Variants in BCL7A observed in about 807,000 individuals in gnomAD.
BCL7A encodes the protein B-cell CLL/lymphoma 7 protein family member A.
A neutral mutation model predicts 28.4 loss-of-function variants in BCL7A; 11 were observed. That is an observed-to-expected ratio of 0.39 (90% confidence interval 0.24 to 0.64). The LOEUF is 0.64. Among genes scored for constraint, BCL7A ranks in the 30% least tolerant of loss-of-function variants. The pLI, the probability that BCL7A is intolerant of heterozygous loss-of-function variation, is 0.50. For missense variants in BCL7A, 222 were observed against 274.8 expected, an observed-to-expected ratio of 0.81 and a Z score of 1.36; for synonymous variants, 123 against 103.3, an observed-to-expected ratio of 1.19 and a Z score of -1.15.
chr12:122,028,806 C>T (rs1245651721), intron 1 of BCL7A, among the ~76,000 whole-genome samples: 3 of 152,126 alleles, frequency 2.0e-5, no homozygotes, highest in African/African-American at 7.2e-5. Context: ...TGGCGTGGAG[C>T]CTGGCATGTA....
At chr12:122,033,299 T>A (rs1463702300) in intron 2 of BCL7A, among the ~76,000 whole-genome samples, 1 of 151,958 alleles carries the variant, frequency 6.6e-6, no homozygotes, top group African/African-American at 2.4e-5. Context: ...CTGGCTAATT[T>A]ATTTATTATT....
At position 122,022,085 on chromosome 12, in the gene BCL7A, C is replaced by T. The variant is rs559549886; in HGVS notation, c.-7C>T. The T allele has an allele frequency of 2.6e-6, 4 of 1,560,116 alleles. No homozygotes were observed. In the East Asian group the frequency reaches 7.2e-5, roughly 28 times the overall value. On this transcript the variant is annotated 5_prime_UTR_variant, in exon 1 of 6. Transcript: ENST00000261822. Reference sequence around the variant, plus strand: ...CGCTCCCCAGCCTCCGTCTCCCCGCCGGAACCATGTCGGGCAGGTCGGTTC... The same window carrying T: ...CGCTCCCCAGCCTCCGTCTCCCCGCTGGAACCATGTCGGGCAGGTCGGTTC...
Position 122,058,276 on chromosome 12 carries a change from G to A in BCL7A, c.562-816G>A, listed in dbSNP as rs962734080. On this transcript the variant is annotated intron_variant, in intron 5 of 5. Transcript: ENST00000261822. ...TCCTAGCACTCTGGGAAGGTGAGGC[G>A]GGCAGATCACCTGAGGTCAGGAGTT... Among the ~76,000 whole-genome samples the A allele has an allele frequency of 4.7e-4, 71 of 152,100 alleles. 1 individual carries two copies. The highest frequency in any genetic ancestry group is 1.6e-3 in the African/African-American group (66 of 41,494).
intron 4 of BCL7A, among the ~76,000 whole-genome samples, chr12:122,048,776 T>A (rs919552855): frequency 6.6e-6 from 1 of 151,634 alleles, no homozygotes; most frequent in Non-Finnish European, 1.5e-5. Context: ...TCCCAGCACT[T>A]TGGGAGGCTG....
chr12:122,051,226 C>T (rs1368808110), intron 4 of BCL7A, among the ~76,000 whole-genome samples: 3 of 152,274 alleles, frequency 2.0e-5, no homozygotes, highest in African/African-American at 7.2e-5. Flanking sequence ...ACCCCAGGCC[C>T]CTGGGCCTGC....
At chr12:122,024,538 C>G (rs1205440562) in intron 1 of BCL7A, among the ~76,000 whole-genome samples, 1 of 150,722 alleles carries the variant, frequency 6.6e-6, no homozygotes, top group Non-Finnish European at 1.5e-5. Flanking sequence ...CCTGAGAAGC[C>G]ATATCTCACC....
chr12:122,045,392 A>T (rs756734409), intron 4 of BCL7A, among the ~76,000 whole-genome samples: 15 of 152,062 alleles, frequency 9.9e-5, no homozygotes, highest in Admixed American at 3.3e-4. Context: ...GAAAAATTTT[A>T]AAAAGTTAAT....
chr12:122,060,049 C>T lies in BCL7A; in HGVS notation c.*886C>T. ...TCCCAGACCTCCGAATACGAAATGG[C>T]TTCTCTGGCTGACTGCAAGGCTGTC... On this transcript the variant is annotated 3_prime_UTR_variant, in exon 6 of 6. Transcript: ENST00000261822. The T allele has an allele frequency of 4.3e-6, 1 of 233,460 alleles. No individual in the cohort carries two copies. The highest frequency in any genetic ancestry group is 2.2e-5 in the African/African-American group (1 of 45,436). The allele number at this position is 233,460 out of a possible 1,614,324, so 14.5% of individuals were successfully genotyped here. A position where few individuals can be genotyped will look rare whatever the true frequency, so the allele number is the denominator to read the frequency against.
At chr12:122,022,837 G>A (rs1245472240) in intron 1 of BCL7A, among the ~76,000 whole-genome samples, 1 of 151,938 alleles carries the variant, frequency 6.6e-6, no homozygotes, top group Admixed American at 6.5e-5. Flanking sequence ...ATGGGGGCGA[G>A]CGCTGGGAGC....
intron 2 of BCL7A, 121 bp from the exon 3 acceptor site, chr12:122,035,210 C>A: frequency 2.3e-6 from 2 of 862,622 alleles, no homozygotes; most frequent in South Asian, 1.6e-5. Flanking sequence ...CCTCCAGAGG[C>A]CTGGGGGCTC....
intron 1 of BCL7A, among the ~76,000 whole-genome samples, chr12:122,024,532 A>G (rs2135836402): frequency 6.8e-6 from 1 of 147,830 alleles, no homozygotes; most frequent in South Asian, 2.1e-4. Flanking sequence ...CTGGCCCCTG[A>G]GAAGCCATAT....
intron 1 of BCL7A, 146 bp from the exon 2 acceptor site, chr12:122,030,554 C>T (rs1289351769): frequency 5.5e-6 from 4 of 731,786 alleles, no homozygotes; most frequent in African/African-American, 3.5e-5. Context: ...GTGGCCTGCC[C>T]AGGGCCTCCC....
intron 1 of BCL7A, among the ~76,000 whole-genome samples, chr12:122,026,082 A>G (rs1428835506): frequency 6.6e-6 from 1 of 151,864 alleles, no homozygotes; most frequent in African/African-American, 2.4e-5. Flanking sequence ...ATCCTGGCTA[A>G]CAGTGAAACC....
At chr12:122,032,917 G>A (rs527469680) in intron 2 of BCL7A, among the ~76,000 whole-genome samples, 31 of 152,228 alleles carry the variant, frequency 2.0e-4, no homozygotes, top group Admixed American at 1.4e-3. Flanking sequence ...GCAGATTCCT[G>A]GGCCCATCAC....
At chr12:122,031,117 C>T (rs781042774) in intron 2 of BCL7A, among the ~76,000 whole-genome samples, 2 of 152,266 alleles carry the variant, frequency 1.3e-5, no homozygotes, top group Admixed American at 6.5e-5. Flanking sequence ...TCCTCTGCCT[C>T]GTGAGTTCAA....
At chr12:122,042,116 C>T (rs1565939131) in intron 3 of BCL7A, among the ~76,000 whole-genome samples, 1 of 152,008 alleles carries the variant, frequency 6.6e-6, no homozygotes, top group Non-Finnish European at 1.5e-5. Flanking sequence ...GGGTGCAGGA[C>T]AAGGGGAGGT....
At chr12:122,047,432 G>A (rs757146667) in intron 4 of BCL7A, among the ~76,000 whole-genome samples, 1 of 152,052 alleles carries the variant, frequency 6.6e-6, no homozygotes, top group Admixed American at 6.5e-5. Context: ...GCTGAGGCAG[G>A]AGAATGGTGT....
At chr12:122,038,541 A>AT (rs1349237287) in intron 3 of BCL7A, among the ~76,000 whole-genome samples, 1 of 149,648 alleles carries the variant, frequency 6.7e-6, no homozygotes, top group Non-Finnish European at 1.5e-5. Flanking sequence ...GTTATGTTTC[A>AT]TTTTCAGAAA....
intron 4 of BCL7A, among the ~76,000 whole-genome samples, chr12:122,045,248 G>T (rs1311713313): frequency 6.6e-6 from 1 of 152,156 alleles, no homozygotes; most frequent in Non-Finnish European, 1.5e-5. Flanking sequence ...GAGTGTGGTG[G>T]CATGTGCCTG....
Sources: gnomAD v4.1 joint callset for allele counts (sites outside exome capture counted in the v4.1 genomes callset) on GRCh38, gnomAD v4.1.1 for gene constraint, MANE v1.5 for transcripts, NCBI Gene and HGNC (gene_info 2026-07-23, HGNC 2026-07-21) for gene names.